Variants in STK24 observed in about 807,000 individuals in gnomAD.
The protein encoded by STK24 is serine/threonine kinase 24, also known as serine/threonine-protein kinase 24.
Under a neutral mutation model 55.6 loss-of-function variants are expected in STK24, and 21 were observed. That is an observed-to-expected ratio of 0.38 (90% CI 0.27 to 0.54). The LOEUF (loss-of-function observed/expected upper bound fraction) is 0.54. STK24 is among the 20% of genes least tolerant of loss of function. STK24 has a pLI of 0.79. For missense variants in STK24, 383 were observed against 538.4 expected (o/e 0.71, Z 2.86); for synonymous variants, 200 against 215.2 (o/e 0.93, Z 0.62).
In STK24 at chr13:98,576,966, G is replaced by T; in HGVS notation, c.-180C>A. 1 of 173,144 alleles carries T rather than the reference G, an allele frequency of 5.8e-6. No individual in the cohort carries two copies. The highest frequency in any genetic ancestry group is 1.1e-5 in the Non-Finnish European group (1 of 90,364). 10.7% of individuals were successfully genotyped at this position (173,144 alleles called of 1,614,324 possible). On this transcript the variant is annotated 5_prime_UTR_variant, in exon 1 of 11. Transcript: ENST00000539966. ...GGGGCTCAGCGGCGGGTGGCGGGCC[G>T]CGTCTCCATGCACGGCGCCAGGGAG...
At chr13:98,485,257 G>A (rs751613723) in intron 2 of STK24, among the ~76,000 whole-genome samples, 1 of 152,308 alleles carries the variant, frequency 6.6e-6, no homozygotes, top group Non-Finnish European at 1.5e-5. Flanking sequence ...CAGTCTCTCC[G>A]AGCATTCGGG....
At chr13:98,458,735 C>T (rs759051097) in intron 9 of STK24, among the ~76,000 whole-genome samples, 55 of 152,164 alleles carry the variant, frequency 3.6e-4, no homozygotes, top group Admixed American at 2.0e-3. Context: ...GTCCCCTTGC[C>T]GTGTGGAACG....
rs756504807 is a variant in STK24 at position 98,577,030 on chromosome 13, C to G, written c.-244G>C. On this transcript the variant is annotated 5_prime_UTR_variant, in exon 1 of 11. Transcript: ENST00000539966. The surrounding 1 kb of genome is among the most constrained non-coding windows in gnomAD (Gnocchi z 4.1). Reference sequence around the variant, plus strand: ...CGCAGGGCCTCGCGCGCACTGCCGCCGCCGCCGCTGCTGCCGCTACTGCTG... The same window carrying G: ...CGCAGGGCCTCGCGCGCACTGCCGCGGCCGCCGCTGCTGCCGCTACTGCTG... 1,591 of 147,692 alleles carry G rather than the reference C, an allele frequency of 0.011. 11 individuals are homozygous for G. Among genetic ancestry groups the G allele is most frequent in the Non-Finnish European group, 0.017 (1,107 of 67,054 alleles). 9.1% of individuals were successfully genotyped at this position (147,692 alleles called of 1,614,324 possible).
chr13:98,470,254 G>C lies in STK24; in HGVS notation c.598-3693C>G, dbSNP rs7322841. ...AGCCTCCTGGATAGCTGGGACTATA[G>C]GGCATATCACCATGCCCAGCTAATT... On this transcript the variant is annotated intron_variant, in intron 5 of 10. Coordinates refer to ENST00000539966, the MANE Select transcript of STK24 (RefSeq NM_001032296.4). 9.6e-3 allele frequency among the ~76,000 whole-genome samples: 1,461 copies of C among 152,260 alleles called. 28 individuals carry two copies. The highest frequency in any genetic ancestry group is 0.032 in the African/African-American group (1,350 of 41,542).
chr13:98,538,115 C>A (rs1198170648), intron 1 of STK24, among the ~76,000 whole-genome samples: 1 of 151,986 alleles, frequency 6.6e-6, no homozygotes, highest in Non-Finnish European at 1.5e-5. Context: ...GTCAACAAAT[C>A]CTCATCACTT....
chr13:98,508,306 C>T (rs183018335), intron 2 of STK24, among the ~76,000 whole-genome samples: 2 of 152,122 alleles, frequency 1.3e-5, no homozygotes, highest in East Asian at 3.9e-4. Context: ...CAACAGAGGA[C>T]GCTTCAAAGT....
At position 98,446,526 on chromosome 13, in the gene STK24, C is replaced by A; in HGVS notation, c.*6647G>T. On this transcript the variant is annotated 3_prime_UTR_variant, in exon 11 of 11. Transcript: ENST00000539966. Reference sequence around the variant, plus strand: ...GCCATCACGTACAGGCAAACACTGGCTGCCATGGTCCCTTCCAGGCCCACG... The same window carrying A: ...GCCATCACGTACAGGCAAACACTGGATGCCATGGTCCCTTCCAGGCCCACG... 2 of 826,836 alleles carry A rather than the reference C, an allele frequency of 2.4e-6. No individual in the cohort carries two copies. Among genetic ancestry groups the A allele is most frequent in the Non-Finnish European group, 3.9e-6 (2 of 516,842 alleles). The allele number at this position is 826,836 out of a possible 1,614,324, so 51.2% of individuals were successfully genotyped here. A position where few individuals can be genotyped will look rare whatever the true frequency, so the allele number is the denominator to read the frequency against.
chr13:98,445,418 C>A lies in STK24; in HGVS notation c.*7755G>T, dbSNP rs548712696. On this transcript the variant is annotated 3_prime_UTR_variant, in exon 11 of 11. Coordinates refer to ENST00000539966, the MANE Select transcript of STK24 (RefSeq NM_001032296.4). ...TGGACACAGGTGCCTGTCCCTGCCC[C>A]CTAGCTGGGCTGCAGCGCATCCTAA... The A allele has an allele frequency of 1.3e-5, 2 of 152,198 alleles. No homozygotes were observed. The highest frequency in any genetic ancestry group is 4.8e-5 in the African/African-American group (2 of 41,436). 9.4% of individuals were successfully genotyped at this position (152,198 alleles called of 1,614,324 possible).
At chr13:98,457,448 C>T (rs1456043860) in intron 9 of STK24, 144 bp from the exon 10 acceptor site, 1 of 1,073,274 alleles carries the variant, frequency 9.3e-7, no homozygotes, top group Non-Finnish European at 1.3e-6. Context: ...GCTAGGGCTC[C>T]AGGCCACTTC....
At chr13:98,564,167 T>C (rs1897506139) in intron 1 of STK24, among the ~76,000 whole-genome samples, 1 of 152,140 alleles carries the variant, frequency 6.6e-6, no homozygotes, top group Non-Finnish European at 1.5e-5. Flanking sequence ...CTTTTTCCCA[T>C]TCTGAAATAT....
intron 1 of STK24, among the ~76,000 whole-genome samples, chr13:98,567,502 A>C (rs1897617274): frequency 6.6e-6 from 1 of 152,210 alleles, no homozygotes; most frequent in Admixed American, 6.5e-5. Context: ...TGTCCACAGG[A>C]TCTTGGGACC....
At chr13:98,565,581 G>A (rs1027707607) in intron 1 of STK24, among the ~76,000 whole-genome samples, 54 of 148,626 alleles carry the variant, frequency 3.6e-4, no homozygotes, top group African/African-American at 1.3e-3. Flanking sequence ...GCAGTGAGCC[G>A]AGATCGTGCC....
At chr13:98,536,077 G>A (rs909383880) in intron 1 of STK24, among the ~76,000 whole-genome samples, 1 of 152,188 alleles carries the variant, frequency 6.6e-6, no homozygotes, top group Non-Finnish European at 1.5e-5. Flanking sequence ...GGAAATTCCT[G>A]GAATGGAGGT....
At chr13:98,461,019 G>A (rs1893680603) in intron 8 of STK24, among the ~76,000 whole-genome samples, 1 of 150,432 alleles carries the variant, frequency 6.6e-6, no homozygotes, top group African/African-American at 2.5e-5. Flanking sequence ...CTGCACTCCA[G>A]CCTGGGCAAC....
intron 1 of STK24, among the ~76,000 whole-genome samples, chr13:98,559,002 TAAAAA>T (rs60756124): frequency 2.1e-4 from 9 of 43,032 alleles, no homozygotes; most frequent in East Asian, 1.6e-3. Flanking sequence ...CTGTCTCTAC[TAAAAA>T]AAAAAAAAAA....
intron 2 of STK24, among the ~76,000 whole-genome samples, chr13:98,487,962 GTTTTA>G (rs1179814538): frequency 6.6e-6 from 1 of 152,012 alleles, no homozygotes. Flanking sequence ...GTGTCATCAA[GTTTTA>G]TTTTATTATT....
In STK24 at chr13:98,475,325, C is replaced by T; in HGVS notation, c.364G>A (p.Ala122Thr). The change falls in exon 4 of 11, where the codon GCT (alanine) becomes ACT (threonine). Residue 122 changes from alanine (A) to threonine (T), a missense_variant. By Grantham distance (58) the Ala-to-Thr change is moderately conservative. Transcript: ENST00000539966. ...EPGPLDETQI[A>T]TILREILKGL... ...TTCAGTATTTCTCTTAATATAGTAG[C>T]GATCTGGGTTTCATCTAATGGGCCA... 6.2e-7 allele frequency: 1 copy of T among 1,612,656 alleles called. No homozygotes were observed. Among genetic ancestry groups the T allele is most frequent in the Non-Finnish European group, 8.5e-7 (1 of 1,179,552 alleles).
At chr13:98,505,203 G>T (rs79958794) in intron 2 of STK24, 1 of 152,306 alleles carries the variant, frequency 6.6e-6, no homozygotes, top group South Asian at 2.1e-4. Context: ...TAAAGGAGAC[G>T]AGAGAAAGGC....
chr13:98,463,218 C>T (rs141965381), intron 7 of STK24, among the ~76,000 whole-genome samples: 1 of 152,262 alleles, frequency 6.6e-6, no homozygotes, highest in African/African-American at 2.4e-5. Flanking sequence ...AGCCCCACTC[C>T]GCCTCTTAAG....
Sources: allele counts gnomAD v4.1 joint callset (sites outside exome capture counted in the v4.1 genomes callset), GRCh38; gene constraint gnomAD v4.1.1; non-coding constraint Gnocchi (gnomAD v3.1); transcripts MANE v1.5; gene names NCBI Gene and HGNC (gene_info 2026-07-23, HGNC 2026-07-21).